DNAJC11: variants seen among roughly 807,000 people sequenced by gnomAD.
DNAJC11 encodes the protein DnaJ heat shock protein family (Hsp40) member C11.
Under a neutral mutation model 78.6 loss-of-function variants are expected in DNAJC11, and 15 were observed. The ratio of observed to expected loss-of-function variants is 0.19; its 90% CI spans 0.13 to 0.29. DNAJC11 has a LOEUF of 0.29. DNAJC11 is among the 10% of genes least tolerant of loss of function. The pLI is 1.00. For synonymous variants in DNAJC11, 292 were observed against 272.1 expected (o/e 1.07, Z -0.72); for missense variants, 547 against 709.6 (o/e 0.77, Z 2.60).
intron 1 of DNAJC11, among the ~76,000 whole-genome samples, chr1:6,692,609 A>ATTTTTT (rs35568963): frequency 1.6e-5 from 2 of 127,378 alleles, no homozygotes; most frequent in Non-Finnish European, 3.2e-5. Context: ...TGCTTCAGGA[A>ATTTTTT]TTTTTTTTTT....
In DNAJC11 at chr1:6,635,513, TG is replaced by T. The variant is rs1641745448; in HGVS notation, c.*161del. On this transcript the variant is annotated 3_prime_UTR_variant, in exon 16 of 16. Coordinates refer to ENST00000377577, the MANE Select transcript of DNAJC11 (RefSeq NM_018198.4). ...TCCTACCCCCAGCACCCTCAAAAGC[TG>T]GGGTGTCTGCATGTCCCTTCACATA... 3 of 756,344 alleles carry T rather than the reference TG, an allele frequency of 4.0e-6. No homozygotes were observed. The highest frequency in any genetic ancestry group is 6.4e-6 in the Non-Finnish European group (3 of 470,512). 46.9% of individuals were successfully genotyped at this position (756,344 alleles called of 1,614,324 possible). A position where few individuals can be genotyped will look rare whatever the true frequency, so the allele number is the denominator to read the frequency against.
intron 1 of DNAJC11, among the ~76,000 whole-genome samples, chr1:6,701,237 G>A (rs1050118020): frequency 1.3e-5 from 2 of 152,168 alleles, no homozygotes; most frequent in East Asian, 1.9e-4. Flanking sequence ...GAGGCAGAGC[G>A]TCCCCACGAA....
At chr1:6,664,944 A>G (rs570816964) in intron 4 of DNAJC11, among the ~76,000 whole-genome samples, 2 of 152,294 alleles carry the variant, frequency 1.3e-5, no homozygotes, top group African/African-American at 2.4e-5. Context: ...ACGAAAACAG[A>G]GAGAAATATG....
At chr1:6,676,006 G>C (rs1027257520) in intron 3 of DNAJC11, among the ~76,000 whole-genome samples, 1 of 152,114 alleles carries the variant, frequency 6.6e-6, no homozygotes, top group Non-Finnish European at 1.5e-5. Flanking sequence ...AAAGAGTGAC[G>C]GGGAAATTGA....
chr1:6,634,608 G>T lies in DNAJC11; in HGVS notation c.*1067C>A. 3 of 1,366,332 alleles carry T rather than the reference G, an allele frequency of 2.2e-6. No homozygotes were observed. Among genetic ancestry groups the T allele is most frequent in the African/African-American group, 1.5e-5 (1 of 67,884 alleles). 84.6% of individuals were successfully genotyped at this position (1,366,332 alleles called of 1,614,324 possible). ...GCCACTTCCAGGCCCCGAGAGACAG[G>T]CCTCACGTAACTTTACTGCAGCCGA... On this transcript the variant is annotated 3_prime_UTR_variant, in exon 16 of 16. Coordinates refer to ENST00000377577, the MANE Select transcript of DNAJC11 (RefSeq NM_018198.4).
chr1:6,699,755 T>TA (rs566482836), intron 1 of DNAJC11, among the ~76,000 whole-genome samples: 3,216 of 149,246 alleles, frequency 0.022, 49 homozygotes, highest in Non-Finnish European at 0.032. Flanking sequence ...AAGTATAATT[T>TA]AAAAAAAAAA....
Position 6,645,693 on chromosome 1 carries a change from T to C in DNAJC11, c.894+96A>G. On this transcript the variant is annotated intron_variant, in intron 8 of 15. Transcript: ENST00000377577. The surrounding 1 kb of genome is among the most constrained non-coding windows in gnomAD (Gnocchi z 4.1). ...CCCTGTATGGGCTTAGACTTAGTGG[T>C]GATCAGGACGCAGGATTTAAGGGGA... 1 of 1,401,130 alleles carries C rather than the reference T, an allele frequency of 7.1e-7. No individual in the cohort carries two copies. The highest frequency in any genetic ancestry group is 9.9e-7 in the Non-Finnish European group (1 of 1,010,768). The allele number at this position is 1,401,130 out of a possible 1,614,324, so 86.8% of individuals were successfully genotyped here. A position where few individuals can be genotyped will look rare whatever the true frequency, so the allele number is the denominator to read the frequency against.
intron 1 of DNAJC11, among the ~76,000 whole-genome samples, chr1:6,688,600 A>G (rs1352120768): frequency 6.6e-6 from 1 of 152,266 alleles, no homozygotes; most frequent in Non-Finnish European, 1.5e-5. Context: ...AATATAAAAC[A>G]GGAATGCTAA....
At chr1:6,661,930 G>A (rs1427318977) in intron 4 of DNAJC11, among the ~76,000 whole-genome samples, 1 of 152,026 alleles carries the variant, frequency 6.6e-6, no homozygotes, top group Non-Finnish European at 1.5e-5. Flanking sequence ...ATGGTTACAT[G>A]CCTTCCTTGA....
At chr1:6,652,551 T>C (rs1483678583) in intron 6 of DNAJC11, among the ~76,000 whole-genome samples, 1 of 152,196 alleles carries the variant, frequency 6.6e-6, no homozygotes, top group Non-Finnish European at 1.5e-5. Flanking sequence ...GTGATTCTCC[T>C]GCCTCAGCCT....
In DNAJC11 at chr1:6,635,633, A is replaced by G. The variant is rs1362166895; in HGVS notation, c.*42T>C. On this transcript the variant is annotated 3_prime_UTR_variant, in exon 16 of 16. Coordinates refer to ENST00000377577, the MANE Select transcript of DNAJC11 (RefSeq NM_018198.4). Reference sequence around the variant, plus strand: ...TTTCCAAATTTGTAGACTCCCAGGAAAAGATTTTTTGCGGCCTTTTAAAAA... The same window carrying G: ...TTTCCAAATTTGTAGACTCCCAGGAGAAGATTTTTTGCGGCCTTTTAAAAA... 1.9e-6 allele frequency: 3 copies of G among 1,610,828 alleles called. No homozygotes were observed. The Admixed American group carries it at 5.0e-5, about 27-fold the overall frequency.
rs375236706 is a variant in DNAJC11, at chr1:6,651,123, G to C, written c.704+406C>G. 4 of 536,608 alleles carry C rather than the reference G, an allele frequency of 7.5e-6. No individual in the cohort carries two copies. The African/African-American group carries it at 7.7e-5, about 10-fold the overall frequency. 33.2% of individuals were successfully genotyped at this position (536,608 alleles called of 1,614,324 possible). ...AGACGACAGGAAGCAGAGGCTGGCT[G>C]GGGACTACATCTCTGGCATATGTCA... On this transcript the variant is annotated intron_variant, in intron 7 of 15. Transcript: ENST00000377577.
chr1:6,646,538 G>C (rs144959119), intron 7 of DNAJC11, among the ~76,000 whole-genome samples: 144 of 152,230 alleles, frequency 9.5e-4, no homozygotes, highest in Non-Finnish European at 1.2e-3. Flanking sequence ...AGAATTTCTG[G>C]GTGGAGGCAT....
rs778748238 is a variant in DNAJC11, at chr1:6,634,556, A to AG, written c.*1118dup. The AG allele has an allele frequency of 9.5e-6, 13 of 1,365,178 alleles. No homozygotes were observed. The African/African-American group carries it at 1.9e-4, about 20-fold the overall frequency. The allele number at this position is 1,365,178 out of a possible 1,614,324, so 84.6% of individuals were successfully genotyped here. On this transcript the variant is annotated 3_prime_UTR_variant, in exon 16 of 16. Transcript: ENST00000377577. ...CACCACCTGTGCGGCGCTTGCTCCGAGGGGTCAGCAAGAGCAACTGATGGC... is the reference window on the plus strand; with the variant it reads ...CACCACCTGTGCGGCGCTTGCTCCGAGGGGGTCAGCAAGAGCAACTGATGGC...
intron 7 of DNAJC11, among the ~76,000 whole-genome samples, chr1:6,646,219 A>G (rs574955138): frequency 1.6e-4 from 24 of 152,220 alleles, no homozygotes; most frequent in African/African-American, 5.3e-4. Context: ...AGCTACAACC[A>G]AATAGGCACC....
intron 3 of DNAJC11, among the ~76,000 whole-genome samples, chr1:6,668,880 C>G (rs914833481): frequency 6.6e-6 from 1 of 152,040 alleles, no homozygotes; most frequent in African/African-American, 2.4e-5. Context: ...AGAGTAATGT[C>G]GAGTCTGAGA....
At chr1:6,649,122 C>A (rs1393465592) in intron 7 of DNAJC11, among the ~76,000 whole-genome samples, 2 of 152,074 alleles carry the variant, frequency 1.3e-5, no homozygotes, top group Admixed American at 6.6e-5. Flanking sequence ...CCTCCCAAAG[C>A]CCTGGGATTG....
chr1:6,686,597 A>T (rs1210515101), intron 1 of DNAJC11, among the ~76,000 whole-genome samples: 2 of 152,156 alleles, frequency 1.3e-5, no homozygotes, highest in African/African-American at 4.8e-5. Flanking sequence ...GACACACCTC[A>T]CTTCCACTGA....
intron 1 of DNAJC11, among the ~76,000 whole-genome samples, chr1:6,700,711 G>A (rs115051969): frequency 1.1e-3 from 165 of 152,296 alleles, no homozygotes; most frequent in African/African-American, 3.7e-3. Flanking sequence ...AGATAAGTTT[G>A]TATTATTAAC....
Sources: gnomAD v4.1 joint callset for allele counts (sites outside exome capture counted in the v4.1 genomes callset) on GRCh38, gnomAD v4.1.1 for gene constraint, Gnocchi (gnomAD v3.1) non-coding constraint, MANE v1.5 for transcripts, NCBI Gene and HGNC (gene_info 2026-07-23, HGNC 2026-07-21) for gene names.